The following AP1G1 variants were observed in gnomAD, a reference collection of about 807,000 sequenced individuals.
The protein encoded by AP1G1 is adaptor related protein complex 1 subunit gamma 1.
AP1G1 carries 7 observed loss-of-function variants against 108.3 expected under a neutral mutation model. That is an observed-to-expected ratio of 0.06 (90% CI 0.04 to 0.12). The LOEUF (loss-of-function observed/expected upper bound fraction) is 0.12, where lower values mean the gene tolerates loss of function less well. AP1G1 is among the 10% of genes least tolerant of loss of function. The probability of loss-of-function intolerance (pLI) is 1.00; values close to 1 mark genes in which losing one functional copy is unlikely to be tolerated. For missense variants in AP1G1, 756 were observed against 1,010.7 expected (o/e 0.75, Z 3.42); for synonymous variants, 379 against 353.5 (o/e 1.07, Z -0.81).
intron 2 of AP1G1, among the ~76,000 whole-genome samples, chr16:71,787,720 C>T (rs1376131806): frequency 6.6e-6 from 1 of 152,126 alleles, no homozygotes; most frequent in Non-Finnish European, 1.5e-5. Context: ...TACTATGACA[C>T]ACAGTATATG....
rs558622100 is a variant in AP1G1, at chr16:71,808,470, G to A, written c.-4+293C>T. On this transcript the variant is annotated intron_variant, in intron 1 of 22. Coordinates refer to ENST00000299980, the MANE Select transcript of AP1G1 (RefSeq NM_001128.6). Reference sequence around the variant, plus strand: ...CCTGAATGAGCCCTCAAAGATCGCAGCCTGAGAAAGTCAAGGGTTCAAGGA... The same window carrying A: ...CCTGAATGAGCCCTCAAAGATCGCAACCTGAGAAAGTCAAGGGTTCAAGGA... The A allele has an allele frequency of 9.0e-6, 11 of 1,225,044 alleles. No homozygotes were observed. The South Asian group carries it at 1.4e-4, about 15-fold the overall frequency. The allele number at this position is 1,225,044 out of a possible 1,614,324, so 75.9% of individuals were successfully genotyped here.
In AP1G1 at chr16:71,789,458, G is replaced by A; in HGVS notation, c.22C>T (p.Arg8Trp). 2 of 1,614,078 alleles carry A rather than the reference G, an allele frequency of 1.2e-6. No individual in the cohort carries two copies. Among genetic ancestry groups the A allele is most frequent in the Non-Finnish European group, 1.7e-6 (2 of 1,180,004 alleles). MPAPIRL[R>W]ELIRTIRTAR... ...GTCCGGATGGTCCGGATCAGCTCCC[G>A]CAATCTGATGGGGGCTGGCATCCTC... Residue 8 changes from arginine to tryptophan, a missense_variant, in exon 2 of 23, where the codon CGG (arginine) becomes TGG (tryptophan). By Grantham distance (101) the Arg-to-Trp change is moderately radical. Transcript: ENST00000299980.
intron 4 of AP1G1, 51 bp downstream of exon 4, chr16:71,773,170 T>C (rs775399928): frequency 1.9e-6 from 3 of 1,591,418 alleles, no homozygotes; most frequent in Non-Finnish European, 2.6e-6. Flanking sequence ...TGCCTTCTCA[T>C]CTCCATAATA....
At chr16:71,789,168 G>T in intron 2 of AP1G1, 111 bp downstream of exon 2, 1 of 980,058 alleles carries the variant, frequency 1.0e-6, no homozygotes, top group Non-Finnish European at 1.5e-6. Flanking sequence ...GTTCCACAAT[G>T]ATCAGACTAC....
intron 10 of AP1G1, among the ~76,000 whole-genome samples, chr16:71,759,805 A>T (rs1028685870): frequency 4.3e-4 from 66 of 151,810 alleles, no homozygotes; most frequent in Non-Finnish European, 7.5e-4. Context: ...TAAAATATAA[A>T]ATAAATAGAA....
At chr16:71,808,364 G>T in intron 1 of AP1G1, 1 of 851,246 alleles carries the variant, frequency 1.2e-6, no homozygotes, top group Non-Finnish European at 1.6e-6. Flanking sequence ...GACCTGACAC[G>T]GGTACAAGAC....
At chr16:71,763,284 G>A (rs1385751425) in intron 9 of AP1G1, among the ~76,000 whole-genome samples, 1 of 152,138 alleles carries the variant, frequency 6.6e-6, no homozygotes, top group Non-Finnish European at 1.5e-5. Flanking sequence ...TTTTTTTCTT[G>A]TATCTCTTCA....
intron 22 of AP1G1, 165 bp downstream of exon 22, chr16:71,734,444 G>C: frequency 1.6e-6 from 1 of 612,638 alleles, no homozygotes; most frequent in Non-Finnish European, 2.9e-6. Context: ...ATGTCTCTGG[G>C]TTCCATTTGT....
chr16:71,738,815 G>T, intron 21 of AP1G1, 127 bp downstream of exon 21: 1 of 834,438 alleles, frequency 1.2e-6, no homozygotes. Context: ...CTACATTATT[G>T]TTAGTTTGAA....
intron 21 of AP1G1, among the ~76,000 whole-genome samples, chr16:71,735,294 A>G (rs1328289803): frequency 6.6e-6 from 1 of 152,230 alleles, no homozygotes; most frequent in Non-Finnish European, 1.5e-5. Context: ...CTATACAGCA[A>G]AAGACCTAGA....
intron 2 of AP1G1, among the ~76,000 whole-genome samples, chr16:71,778,998 C>T (rs965544098): frequency 1.3e-5 from 2 of 152,274 alleles, no homozygotes; most frequent in Non-Finnish European, 1.5e-5. Flanking sequence ...CATTTCTAAC[C>T]ACAACTCTAG....
rs770687303 is a variant in AP1G1 at position 71,781,647 on chromosome 16, TACTC to T, written c.202-7059_202-7056del. Among the ~76,000 whole-genome samples, 55 of 152,324 alleles carry T rather than the reference TACTC, an allele frequency of 3.6e-4. No individual in the cohort carries two copies. The Middle Eastern group carries it at 0.02, about 57-fold the overall frequency. On this transcript the variant is annotated intron_variant, in intron 2 of 22. Coordinates refer to ENST00000299980, the MANE Select transcript of AP1G1 (RefSeq NM_001128.6). ...CTTTTCACTCAACAGCTTTGAGTAT[TACTC>T]ACATCAAGACAAGAAGATCTAATTC...
chr16:71,733,221 G>T, intron 22 of AP1G1, 62 bp from the exon 23 acceptor site: 2 of 1,328,020 alleles, frequency 1.5e-6, no homozygotes, highest in Non-Finnish European at 2.1e-6. Context: ...AATCTGTCCG[G>T]TCCACAAATA....
At chr16:71,808,206 A>C in intron 1 of AP1G1, 1 of 1,110,650 alleles carries the variant, frequency 9.0e-7, no homozygotes, top group Non-Finnish European at 1.1e-6. Flanking sequence ...CAAAACAACA[A>C]CATATACACA....
intron 2 of AP1G1, among the ~76,000 whole-genome samples, chr16:71,780,420 G>A (rs535501800): frequency 1.6e-4 from 24 of 150,550 alleles, no homozygotes; most frequent in South Asian, 1.3e-3. Context: ...TGAGCCTCCT[G>A]TTGAAGGCTG....
intron 1 of AP1G1, among the ~76,000 whole-genome samples, chr16:71,800,854 G>T (rs1327358948): frequency 6.6e-6 from 1 of 151,840 alleles, no homozygotes; most frequent in African/African-American, 2.4e-5. Flanking sequence ...ACTTAGCGGG[G>T]CATGGTGGCA....
intron 1 of AP1G1, among the ~76,000 whole-genome samples, chr16:71,790,070 G>T (rs1363294202): frequency 6.7e-6 from 1 of 149,656 alleles, no homozygotes; most frequent in Non-Finnish European, 1.5e-5. Context: ...AGAAAATAAG[G>T]CTATTAGTGT....
Position 71,746,669 on chromosome 16 carries a change from A to T in AP1G1, c.1649T>A (p.Ile550Asn). Reference sequence around the variant, plus strand: ...TTCCACATCAATGCTGCTTCCGTAGATGGAAACCACTTTCTTAATTCGGCT... The same window carrying T: ...TTCCACATCAATGCTGCTTCCGTAGTTGGAAACCACTTTCTTAATTCGGCT... ...TVNRIKKVVS[I>N]YGSSIDVELQ... The change falls in exon 17 of 23, where the codon ATC becomes AAC. Residue 550 changes from isoleucine to asparagine, a missense_variant. Around this residue, in one of 3 missense-constraint regions of AP1G1, gnomAD observed 357 missense variants for 366.5 expected, o/e 0.97. Transcript: ENST00000299980. 6.2e-7 allele frequency: 1 copy of T among 1,612,388 alleles called. No individual in the cohort carries two copies. Among genetic ancestry groups the T allele is most frequent in the Non-Finnish European group, 8.5e-7 (1 of 1,179,352 alleles).
intron 5 of AP1G1, among the ~76,000 whole-genome samples, chr16:71,769,998 C>CA (rs1200151118): frequency 6.6e-6 from 1 of 152,152 alleles, no homozygotes; most frequent in East Asian, 1.9e-4. Context: ...TAAAAACACA[C>CA]AATGCAAGCT....
Sources: allele counts gnomAD v4.1 joint callset (sites outside exome capture counted in the v4.1 genomes callset), GRCh38; gene constraint gnomAD v4.1.1; regional missense constraint gnomAD v4.1.1; transcripts MANE v1.5; gene names NCBI Gene and HGNC (gene_info 2026-07-23, HGNC 2026-07-21).